LDLRAD2: variants seen among roughly 807,000 people sequenced by gnomAD.
LDLRAD2 encodes low density lipoprotein receptor class A domain containing 2, also known as low-density lipoprotein receptor class A domain-containing protein 2.
LDLRAD2 carries 25 observed loss-of-function variants against 24.9 expected under a neutral mutation model. The ratio of observed to expected loss-of-function variants is 1.00; its 90% CI spans 0.73 to 1.40. LDLRAD2 has a LOEUF of 1.40. Among genes scored for constraint, LDLRAD2 ranks in the 40% most tolerant of loss-of-function variants. LDLRAD2 has a pLI of 0.00. For missense variants in LDLRAD2, 391 were observed against 366.2 expected (o/e 1.07, Z -0.55); for synonymous variants, 182 against 166.7 (o/e 1.09, Z -0.71).
At chr1:21,816,207 C>A in intron 3 of LDLRAD2, 133 bp downstream of exon 3, 1 of 1,234,298 alleles carries the variant, frequency 8.1e-7, no homozygotes, top group Non-Finnish European at 1.1e-6. Context: ...CGGCTTAGGC[C>A]AAGGGCTGGA....
rs1443593622 is a variant in LDLRAD2 at position 21,815,867 on chromosome 1, C to T, written c.512-76C>T. On this transcript the variant is annotated intron_variant, in intron 2 of 4. Coordinates refer to ENST00000344642, the MANE Select transcript of LDLRAD2 (RefSeq NM_001013693.3). ...TCCTGCCCACACCCCCACACTGTCA[C>T]CATGGGGGCCACACATCCTGCTGTG... 5.1e-6 allele frequency: 8 copies of T among 1,559,118 alleles called. 1 individual carries two copies. The highest frequency in any genetic ancestry group is 2.4e-5 in the South Asian group (2 of 84,454).
At position 21,814,612 on chromosome 1, in the gene LDLRAD2, C is replaced by T; in HGVS notation, c.300C>T (p.Ser100=). 6.2e-7 allele frequency: 1 copy of T among 1,609,996 alleles called. No homozygotes were observed. The highest frequency in any genetic ancestry group is 8.5e-7 in the Non-Finnish European group (1 of 1,178,326). Residue 100 remains serine, a synonymous_variant, in exon 2 of 5, where the codon TCC becomes TCT. Coordinates refer to ENST00000344642, the MANE Select transcript of LDLRAD2 (RefSeq NM_001013693.3). The part of the protein sequence containing the change: ...TPAPPALNTS[S]PAPADPCAPG... ...CGCCCCCGGCGCTCAACACCTCCTC[C>T]CCGGCCCCGGCCGACCCGTGCGCCC...
chr1:21,817,792 G>A (rs1165485818), intron 3 of LDLRAD2, among the ~76,000 whole-genome samples: 1 of 152,150 alleles, frequency 6.6e-6, no homozygotes, highest in East Asian at 1.9e-4. Flanking sequence ...AGTTTGTTCA[G>A]TTTTCCCTAG....
chr1:21,822,367 G>A lies in LDLRAD2; in HGVS notation c.*152G>A. The A allele has an allele frequency of 1.4e-6, 1 of 737,954 alleles. No homozygotes were observed. Among genetic ancestry groups the A allele is most frequent in the South Asian group, 1.6e-5 (1 of 62,640 alleles). The allele number at this position is 737,954 out of a possible 1,614,324, so 45.7% of individuals were successfully genotyped here. On this transcript the variant is annotated 3_prime_UTR_variant, in exon 5 of 5. Coordinates refer to ENST00000344642, the MANE Select transcript of LDLRAD2 (RefSeq NM_001013693.3). The stretch of plus-strand genomic sequence containing the variant: ...GGGGGCCACTGGCAGGATGGCACTT[G>A]AGCTGGATCTTCAGGCTCCTGCAGA...
Position 21,820,266 on chromosome 1 carries a change from T to TG in LDLRAD2, c.644-1182dup, listed in dbSNP as rs544829719. 7.2e-3 allele frequency among the ~76,000 whole-genome samples: 1,080 copies of TG among 151,034 alleles called. 4 individuals carry two copies. The highest frequency in any genetic ancestry group is 0.018 in the Middle Eastern group (5 of 272). ...AAAAGCGGCAGCCCGCTGGGCGCGG[T>TG]GGCTCACGCCTGTAATCCCAGCACT... On this transcript the variant is annotated intron_variant, in intron 3 of 4. Coordinates refer to ENST00000344642, the MANE Select transcript of LDLRAD2 (RefSeq NM_001013693.3).
rs1222398906 is a variant in LDLRAD2, at chr1:21,812,492, T to C, written c.41T>C (p.Leu14Pro). 6.2e-7 allele frequency: 1 copy of C among 1,614,076 alleles called. No homozygotes were observed. Among genetic ancestry groups the C allele is most frequent in the Non-Finnish European group, 8.5e-7 (1 of 1,180,028 alleles). The change falls in exon 1 of 5, where the codon CTC (leucine) becomes CCC (proline). Residue 14 changes from leucine to proline, a missense_variant. Coordinates refer to ENST00000344642, the MANE Select transcript of LDLRAD2 (RefSeq NM_001013693.3). ...CTTCTGCAGTTGCCCCAAAGGTTGC[T>C]CTTGCTGGGGGCAGCCGCCCTGACT... ...CCLLQLPQRL[L>P]LLGAAALTAT...
chr1:21,818,226 G>C (rs1463567339), intron 3 of LDLRAD2, among the ~76,000 whole-genome samples: 1 of 146,498 alleles, frequency 6.8e-6, no homozygotes, highest in African/African-American at 2.5e-5. Context: ...TGGACAGGCT[G>C]GTCTCAAACT....
Position 21,821,547 on chromosome 1 carries a change from G to C in LDLRAD2, c.741G>C (p.Trp247Cys). The C allele has an allele frequency of 3.1e-6, 5 of 1,614,084 alleles. No individual in the cohort carries two copies. Among genetic ancestry groups the C allele is most frequent in the Non-Finnish European group, 4.2e-6 (5 of 1,180,018 alleles). The change falls in exon 4 of 5, where the codon TGG becomes TGC. Residue 247 changes from tryptophan to cysteine, a missense_variant. Coordinates refer to ENST00000344642, the MANE Select transcript of LDLRAD2 (RefSeq NM_001013693.3). ...CTCTCGGGTCTGCAGGATCCCTCTG[G>C]ATTGCAGCTGAGAGGAGTTCCCCAG... ...SPALGSAGSL[W>C]IAAERSSPAG...
chr1:21,824,350 C>T lies in LDLRAD2; in HGVS notation c.*2135C>T. ...CTTGAAGCCCGAGGCTGATGAAGTC[C>T]TTGCCTTGGCCGGCCTCTCCCACCT... is the stretch of plus-strand genomic sequence containing the variant. On this transcript the variant is annotated 3_prime_UTR_variant, in exon 5 of 5. Coordinates refer to ENST00000344642, the MANE Select transcript of LDLRAD2 (RefSeq NM_001013693.3). The surrounding 1 kb of genome is among the most constrained non-coding windows in gnomAD (Gnocchi z 5.9). The T allele has an allele frequency of 1.2e-6, 2 of 1,613,868 alleles. No homozygotes were observed. The highest frequency in any genetic ancestry group is 1.7e-6 in the Non-Finnish European group (2 of 1,180,026).
At position 21,823,669 on chromosome 1, in the gene LDLRAD2, C is replaced by A. The variant is rs1367320437; in HGVS notation, c.*1454C>A. On this transcript the variant is annotated 3_prime_UTR_variant, in exon 5 of 5. Coordinates refer to ENST00000344642, the MANE Select transcript of LDLRAD2 (RefSeq NM_001013693.3). ...TGCCACGTTGGGACCTGGGGACCGGCCGCTGACCAGCTCCTCACCGTCGAC... is the reference window on the plus strand; with the variant it reads ...TGCCACGTTGGGACCTGGGGACCGGACGCTGACCAGCTCCTCACCGTCGAC... 1 of 1,613,762 alleles carries A rather than the reference C, an allele frequency of 6.2e-7. No individual in the cohort carries two copies. The highest frequency in any genetic ancestry group is 8.5e-7 in the Non-Finnish European group (1 of 1,180,012).
Position 21,822,690 on chromosome 1 carries a change from G to C in LDLRAD2, c.*475G>C, listed in dbSNP as rs1049644. On this transcript the variant is annotated 3_prime_UTR_variant, in exon 5 of 5. Coordinates refer to ENST00000344642, the MANE Select transcript of LDLRAD2 (RefSeq NM_001013693.3). ...ACCCCAGGCTGTGTGCTGGCAGGAG[G>C]GGGTGGGAATGCAGGCCAGGAGGAC... 48,863 of 166,772 alleles carry C rather than the reference G, an allele frequency of 0.29. 7,848 individuals are homozygous for C. Among genetic ancestry groups the C allele is most frequent in the African/African-American group, 0.41 (16,947 of 41,654 alleles). The allele number at this position is 166,772 out of a possible 1,614,324, so 10.3% of individuals were successfully genotyped here.
In LDLRAD2 at chr1:21,823,185, C is replaced by G. The variant is rs963516444; in HGVS notation, c.*970C>G. On this transcript the variant is annotated 3_prime_UTR_variant, in exon 5 of 5. Transcript: ENST00000344642. ...GTGGCATGCCCACCTCCAGTCCAGC[C>G]CAGGGCGGTAGCAGCAAAGCGTGGC... The G allele has an allele frequency of 1.1e-6, 1 of 924,340 alleles. No homozygotes were observed. The highest frequency in any genetic ancestry group is 1.7e-5 in the African/African-American group (1 of 59,474). The allele number at this position is 924,340 out of a possible 1,614,324, so 57.3% of individuals were successfully genotyped here. A position where few individuals can be genotyped will look rare whatever the true frequency, so the allele number is the denominator to read the frequency against.
chr1:21,819,726 G>A (rs918636069), intron 3 of LDLRAD2, among the ~76,000 whole-genome samples: 1 of 151,974 alleles, frequency 6.6e-6, no homozygotes, highest in African/African-American at 2.4e-5. Context: ...GATGGATGGC[G>A]GTGATGGCTG....
At position 21,824,477 on chromosome 1, in the gene LDLRAD2, C is replaced by T; in HGVS notation, c.*2262C>T. The T allele has an allele frequency of 6.2e-7, 1 of 1,602,402 alleles. No individual in the cohort carries two copies. The highest frequency in any genetic ancestry group is 8.5e-7 in the Non-Finnish European group (1 of 1,171,676). On this transcript the variant is annotated 3_prime_UTR_variant, in exon 5 of 5. Transcript: ENST00000344642. This position sits in a 1 kb window ranked among gnomAD's most constrained non-coding sequence, Gnocchi z 5.9. ...TCCCCTCCCCCCACCACTCCGGCCA[C>T]CAGGAAGCCAGCTTCCTGCCCCAGG...
Sources: gnomAD v4.1 joint callset for allele counts (sites outside exome capture counted in the v4.1 genomes callset) on GRCh38, gnomAD v4.1.1 for gene constraint, Gnocchi (gnomAD v3.1) non-coding constraint, MANE v1.5 for transcripts, NCBI Gene and HGNC (gene_info 2026-07-23, HGNC 2026-07-21) for gene names.